Variants in POU6F2 observed in about 807,000 individuals in gnomAD.
The protein encoded by POU6F2 is POU domain, class 6, transcription factor 2.
Under a neutral mutation model 71.3 loss-of-function variants are expected in POU6F2, and 31 were observed. The observed-to-expected ratio is 0.43, with a 90% CI of 0.33 to 0.59. The LOEUF is 0.59. POU6F2 is among the 20% of genes least tolerant of loss of function. The pLI, the probability that POU6F2 is intolerant of heterozygous loss-of-function variation, is 0.04. For missense variants in POU6F2, 783 were observed against 856.8 expected, an observed-to-expected ratio of 0.91 and a Z score of 1.07; for synonymous variants, 347 against 355.7, an observed-to-expected ratio of 0.98 and a Z score of 0.27.
At chr7:39,317,983 C>T (rs988737832) in intron 4 of POU6F2, among the ~76,000 whole-genome samples, 1 of 152,156 alleles carries the variant, frequency 6.6e-6, no homozygotes. Context: ...TTCATTTTCC[C>T]TTTCTTCGCA....
intron 1 of POU6F2, among the ~76,000 whole-genome samples, chr7:39,026,049 G>A (rs1584506307): frequency 6.6e-6 from 1 of 152,310 alleles, no homozygotes; most frequent in East Asian, 1.9e-4. Flanking sequence ...ACCACAATGA[G>A]ATACCATCTC....
At chr7:39,445,957 A>T (rs189201772) in intron 7 of POU6F2, among the ~76,000 whole-genome samples, 76 of 152,346 alleles carry the variant, frequency 5.0e-4, no homozygotes, top group African/African-American at 1.8e-3. Flanking sequence ...CTTGTTAGAT[A>T]TGCAAATTCT....
chr7:39,086,641 A>C (rs140817730), intron 2 of POU6F2, among the ~76,000 whole-genome samples: 293 of 152,272 alleles, frequency 1.9e-3, no homozygotes, highest in African/African-American at 6.9e-3. Flanking sequence ...CCTTTTCCAC[A>C]TTGTGTTTAT....
chr7:39,441,557 A>G (rs909168042), intron 7 of POU6F2, among the ~76,000 whole-genome samples: 2 of 152,210 alleles, frequency 1.3e-5, no homozygotes, highest in Non-Finnish European at 2.9e-5. Context: ...GAGAGAAGAA[A>G]TGGTTGGGTA....
chr7:38,998,254 T>G (rs558574580), intron 1 of POU6F2, among the ~76,000 whole-genome samples: 1 of 152,332 alleles, frequency 6.6e-6, no homozygotes, highest in South Asian at 2.1e-4. Context: ...TGACATCTCC[T>G]AGACCTTGCA....
chr7:39,157,960 A>G (rs1248109451), intron 2 of POU6F2, among the ~76,000 whole-genome samples: 1 of 152,216 alleles, frequency 6.6e-6, no homozygotes, highest in Non-Finnish European at 1.5e-5. Context: ...ATAGCAGACA[A>G]AAATTCAGGA....
chr7:39,141,192 G>T (rs190200502), intron 2 of POU6F2, among the ~76,000 whole-genome samples: 1 of 152,100 alleles, frequency 6.6e-6, no homozygotes, highest in Non-Finnish European at 1.5e-5. Context: ...GAATGAGAGC[G>T]CATAAAAGCT....
At chr7:39,419,894 C>G (rs1310639657) in intron 6 of POU6F2, among the ~76,000 whole-genome samples, 2 of 152,176 alleles carry the variant, frequency 1.3e-5, no homozygotes, top group African/African-American at 4.8e-5. Context: ...TAGCTTGCCT[C>G]TATGACATGA....
At chr7:39,331,806 C>A (rs145045087) in intron 4 of POU6F2, among the ~76,000 whole-genome samples, 1 of 152,218 alleles carries the variant, frequency 6.6e-6, no homozygotes, top group Admixed American at 6.5e-5. Flanking sequence ...CCACCGCGCC[C>A]GGCCTCGCTG....
chr7:39,263,995 T>C (rs1357234900), intron 4 of POU6F2, among the ~76,000 whole-genome samples: 5 of 152,202 alleles, frequency 3.3e-5, no homozygotes, highest in African/African-American at 1.2e-4. Flanking sequence ...CAATGTCAAC[T>C]TGCTAATTTT....
intron 5 of POU6F2, among the ~76,000 whole-genome samples, chr7:39,395,216 G>A (rs1474891308): frequency 6.6e-6 from 1 of 152,124 alleles, no homozygotes; most frequent in East Asian, 1.9e-4. Context: ...CCCTCTACAA[G>A]CACGTGCCTT....
intron 1 of POU6F2, among the ~76,000 whole-genome samples, chr7:39,052,912 T>C (rs774176752): frequency 6.6e-6 from 1 of 152,130 alleles, no homozygotes; most frequent in African/African-American, 2.4e-5. Context: ...CTTCTAAGGT[T>C]TTCTGTTCTT....
At chr7:39,325,982 TA>T (rs1048876539) in intron 4 of POU6F2, among the ~76,000 whole-genome samples, 37 of 152,338 alleles carry the variant, frequency 2.4e-4, no homozygotes, top group Admixed American at 9.8e-4. Flanking sequence ...CCTTAATTTT[TA>T]TAAAAGTAAA....
chr7:39,170,099 T>C (rs1026109627), intron 2 of POU6F2, among the ~76,000 whole-genome samples: 1 of 151,994 alleles, frequency 6.6e-6, no homozygotes, highest in Non-Finnish European at 1.5e-5. Context: ...ACCTGGGAGG[T>C]GGAGGTTGCA....
At chr7:39,063,089 C>T (rs1208702985) in intron 1 of POU6F2, among the ~76,000 whole-genome samples, 1 of 152,010 alleles carries the variant, frequency 6.6e-6, no homozygotes, top group African/African-American at 2.4e-5. Context: ...GAATATTGGA[C>T]TCATATAAAG....
At chr7:39,098,772 T>G (rs967687875) in intron 2 of POU6F2, among the ~76,000 whole-genome samples, 1 of 152,208 alleles carries the variant, frequency 6.6e-6, no homozygotes, top group South Asian at 2.1e-4. Flanking sequence ...ATGACACATG[T>G]AAAAGCCTAT....
At chr7:39,188,398 C>T (rs1011745168) in intron 2 of POU6F2, among the ~76,000 whole-genome samples, 28 of 152,116 alleles carry the variant, frequency 1.8e-4, no homozygotes, top group African/African-American at 5.3e-4. Flanking sequence ...CTACAACTTC[C>T]GCCTCCTGGG....
intron 6 of POU6F2, among the ~76,000 whole-genome samples, chr7:39,418,134 G>C (rs1787725341): frequency 6.6e-6 from 1 of 152,146 alleles, no homozygotes; most frequent in Non-Finnish European, 1.5e-5. Context: ...GTCTAATAGA[G>C]ATTGTTTTTA....
Position 39,401,716 on chromosome 7 carries a change from G to A in POU6F2, c.973-4884G>A, listed in dbSNP as rs552555241. On this transcript the variant is annotated intron_variant, in intron 5 of 9. Transcript: ENST00000518318. ...CGAGTCATTTCAAACCTTAAATGAA[G>A]AGTGAATAGTGATGAATGCGTTTAT... 4.6e-5 allele frequency among the ~76,000 whole-genome samples: 7 copies of A among 152,312 alleles called. 1 individual carries two copies. The highest frequency in any genetic ancestry group is 4.1e-4 in the South Asian group (2 of 4,822).
Sources: allele counts gnomAD v4.1 joint callset (sites outside exome capture counted in the v4.1 genomes callset), GRCh38; gene constraint gnomAD v4.1.1; transcripts MANE v1.5; gene names NCBI Gene and HGNC (gene_info 2026-07-23, HGNC 2026-07-21).